The following KIAA1549L variants were observed in gnomAD, a reference collection of about 807,000 sequenced individuals.
The protein encoded by KIAA1549L is UPF0606 protein KIAA1549L.
A neutral mutation model predicts 160.7 loss-of-function variants in KIAA1549L; 88 were observed. That is an observed-to-expected ratio of 0.55 (90% CI 0.46 to 0.65). The LOEUF (loss-of-function observed/expected upper bound fraction) is 0.65. Ranked by LOEUF, KIAA1549L falls within the 30% of genes least tolerant of loss-of-function variation. The pLI, the probability that KIAA1549L is intolerant of heterozygous loss-of-function variation, is 0.00. For missense variants in KIAA1549L, 2,258 were observed against 2,437.5 expected (o/e 0.93, Z 1.55); for synonymous variants, 950 against 976.7 (o/e 0.97, Z 0.51).
intron 1 of KIAA1549L, among the ~76,000 whole-genome samples, chr11:33,393,680 A>G (rs1457312318): frequency 1.3e-5 from 2 of 152,194 alleles, no homozygotes; most frequent in Non-Finnish European, 2.9e-5. Flanking sequence ...ATAGAAGACA[A>G]TGTTCAGGAA....
At chr11:33,529,908 A>C (rs905763637) in intron 1 of KIAA1549L, among the ~76,000 whole-genome samples, 3 of 152,176 alleles carry the variant, frequency 2.0e-5, no homozygotes, top group African/African-American at 4.8e-5. Flanking sequence ...AGAGGTTTAC[A>C]TTTAGGCCTT....
Position 33,672,947 on chromosome 11 carries a change from A to T in KIAA1549L, c.*4793A>T, listed in dbSNP as rs1852708122. 6.5e-6 allele frequency: 1 copy of T among 153,884 alleles called. No homozygotes were observed. Among genetic ancestry groups the T allele is most frequent in the East Asian group, 1.9e-4 (1 of 5,188 alleles). 9.5% of individuals were successfully genotyped at this position (153,884 alleles called of 1,614,324 possible). A position where few individuals can be genotyped will look rare whatever the true frequency, so the allele number is the denominator to read the frequency against. On this transcript the variant is annotated 3_prime_UTR_variant, in exon 21 of 21. Transcript: ENST00000658780. ...ATGAGCCCCTCAACAGAGTCTTTTG[A>T]AACAAAATTGGTTTCAAGTGAAACT...
At chr11:33,435,305 G>C (rs1851330336) in intron 1 of KIAA1549L, among the ~76,000 whole-genome samples, 1 of 152,110 alleles carries the variant, frequency 6.6e-6, no homozygotes, top group South Asian at 2.1e-4. Context: ...ATTAAGTTCA[G>C]CAAGTTCAAA....
At chr11:33,408,949 CA>C (rs763850676) in intron 1 of KIAA1549L, among the ~76,000 whole-genome samples, 5,282 of 66,638 alleles carry the variant, frequency 0.079, 107 homozygotes, top group African/African-American at 0.15. Context: ...GACTCCATCT[CA>C]AAAAAAAAAA....
rs969688470 is a variant in KIAA1549L at position 33,407,303 on chromosome 11, C to G, written c.238+30414C>G. Among the ~76,000 whole-genome samples, 3 of 151,516 alleles carry G rather than the reference C, an allele frequency of 2.0e-5. No homozygotes were observed. The East Asian group carries it at 5.9e-4, about 30-fold the overall frequency. ...GTTTCACCGTGTTAGCCAGGATGGT[C>G]TCTATCTCCTGACCTCGTGATCCGC... On this transcript the variant is annotated intron_variant, in intron 1 of 20. Coordinates refer to ENST00000658780, the MANE Select transcript of KIAA1549L (RefSeq NM_012194.3).
intron 1 of KIAA1549L, among the ~76,000 whole-genome samples, chr11:33,499,952 G>A (rs1228212645): frequency 6.6e-6 from 1 of 152,116 alleles, no homozygotes; most frequent in Non-Finnish European, 1.5e-5. Context: ...TTTGGCTCTT[G>A]CTCTTCCTCA....
rs7108967 is a variant in KIAA1549L at position 33,673,492 on chromosome 11, T to C, written c.*5338T>C. 9,095 of 152,210 alleles carry C rather than the reference T, an allele frequency of 0.06. 392 individuals carry two copies. The highest frequency in any genetic ancestry group is 0.12 in the African/African-American group (5,127 of 41,494). The allele number at this position is 152,210 out of a possible 1,614,324, so 9.4% of individuals were successfully genotyped here. A position where few individuals can be genotyped will look rare whatever the true frequency, so the allele number is the denominator to read the frequency against. On this transcript the variant is annotated 3_prime_UTR_variant, in exon 21 of 21. Coordinates refer to ENST00000658780, the MANE Select transcript of KIAA1549L (RefSeq NM_012194.3). ...AATGGACTGGAAATTGTGAAAAAGG[T>C]ATAAATATCCTAGACCTTGATCAAC...
chr11:33,428,836 A>C lies in KIAA1549L; in HGVS notation c.238+51947A>C, dbSNP rs112192121. ...TACCCAGTAGTGGGATCGCTGGGTC[A>C]AATGGTATCTCTAGTTCTAGATCCT... On this transcript the variant is annotated intron_variant, in intron 1 of 20. Transcript: ENST00000658780. Among the ~76,000 whole-genome samples, 1,385 of 152,332 alleles carry C rather than the reference A, an allele frequency of 9.1e-3. 21 individuals are homozygous for C. Among genetic ancestry groups the C allele is most frequent in the African/African-American group, 0.03 (1,262 of 41,572 alleles).
chr11:33,463,912 G>T (rs1035262923), intron 1 of KIAA1549L, among the ~76,000 whole-genome samples: 1 of 152,014 alleles, frequency 6.6e-6, no homozygotes, highest in African/African-American at 2.4e-5. Flanking sequence ...TTTTTCCCTC[G>T]TGCTGTATTT....
At chr11:33,606,914 T>TC in intron 14 of KIAA1549L, 92 bp downstream of exon 14, 3 of 1,119,412 alleles carry the variant, frequency 2.7e-6, no homozygotes, top group Non-Finnish European at 2.5e-6. Context: ...TGGGTGCAGA[T>TC]TGCACCTAGG....
At chr11:33,610,153 A>C (rs1850613313) in intron 15 of KIAA1549L, among the ~76,000 whole-genome samples, 187 bp downstream of exon 15, 1 of 151,466 alleles carries the variant, frequency 6.6e-6, no homozygotes, top group Non-Finnish European at 1.5e-5. Flanking sequence ...AGTAACATTA[A>C]AGCCATTAAA....
At chr11:33,505,453 C>T (rs560262102) in intron 1 of KIAA1549L, among the ~76,000 whole-genome samples, 1 of 152,230 alleles carries the variant, frequency 6.6e-6, no homozygotes, top group South Asian at 2.1e-4. Flanking sequence ...TCTTCTATCC[C>T]TATCACATGA....
rs113684170 is a variant in KIAA1549L at position 33,506,752 on chromosome 11, A to G, written c.239-35050A>G. On this transcript the variant is annotated intron_variant, in intron 1 of 20. Transcript: ENST00000658780. ...AAATTGAACAACAACAACAAAAAAC[A>G]TTCAGATGAAAGCCCATTGGAAGAA... 5.9e-5 allele frequency among the ~76,000 whole-genome samples: 9 copies of G among 152,222 alleles called. 1 individual carries two copies. The South Asian group carries it at 1.9e-3, about 32-fold the overall frequency.
intron 7 of KIAA1549L, 102 bp from the exon 8 acceptor site, chr11:33,561,574 C>G: frequency 2.1e-6 from 2 of 940,494 alleles, no homozygotes; most frequent in Non-Finnish European, 3.4e-6. Context: ...CAAGAACAGC[C>G]TGGGCAACAT....
Position 33,543,084 on chromosome 11 carries a change from C to T in KIAA1549L, c.1521C>T (p.Phe507=), listed in dbSNP as rs1854086800. 5 of 1,613,962 alleles carry T rather than the reference C, an allele frequency of 3.1e-6. No homozygotes were observed. The highest frequency in any genetic ancestry group is 2.2e-5 in the South Asian group (2 of 91,088). ...CCGACTTTCCCTCCATACTTACTTT[C>T]CTCCAGCCCACAGAGAATCATGCCT... ...GTADFPSILT[F]LQPTENHASP... is the part of the protein sequence containing the mutation. Residue 507 remains phenylalanine (F), a synonymous_variant, in exon 2 of 21, where the codon TTC becomes TTT. Coordinates refer to ENST00000658780, the MANE Select transcript of KIAA1549L (RefSeq NM_012194.3).
chr11:33,614,574 ATATATATATATTTTTTTT>A (rs1850753266), intron 15 of KIAA1549L, among the ~76,000 whole-genome samples: 1 of 13,782 alleles, frequency 7.3e-5, no homozygotes, highest in Non-Finnish European at 1.0e-4. Flanking sequence ...ATATATATAT[ATATATATATATTTTTTTT>A]TTTTTTTTTT....
intron 1 of KIAA1549L, among the ~76,000 whole-genome samples, chr11:33,404,576 A>C (rs922025723): frequency 6.6e-6 from 1 of 152,086 alleles, no homozygotes; most frequent in Non-Finnish European, 1.5e-5. Context: ...AAGTCAGATA[A>C]GTACAGACAA....
intron 1 of KIAA1549L, among the ~76,000 whole-genome samples, chr11:33,506,341 G>T (rs1853087836): frequency 1.3e-5 from 2 of 152,170 alleles, no homozygotes; most frequent in South Asian, 4.1e-4. Flanking sequence ...ACATGCTGGG[G>T]CTGCAAGGCG....
chr11:33,625,447 C>G (rs1222919642), intron 16 of KIAA1549L, among the ~76,000 whole-genome samples: 2 of 152,150 alleles, frequency 1.3e-5, no homozygotes, highest in Non-Finnish European at 2.9e-5. Flanking sequence ...TAATGATTGC[C>G]ATTCTAACTG....
Sources: allele counts gnomAD v4.1 joint callset (sites outside exome capture counted in the v4.1 genomes callset), GRCh38; gene constraint gnomAD v4.1.1; transcripts MANE v1.5; gene names NCBI Gene and HGNC (gene_info 2026-07-23, HGNC 2026-07-21).